SAG: variants seen among roughly 807,000 people sequenced by gnomAD.
The protein encoded by SAG is S-arrestin.
In SAG, 45 loss-of-function variants were observed where a neutral mutation model predicts 55.0. The ratio of observed to expected loss-of-function variants is 0.82; its 90% CI spans 0.64 to 1.05. The LOEUF (loss-of-function observed/expected upper bound fraction) is 1.05, where lower values mean the gene tolerates loss of function less well. Among genes scored for constraint, SAG ranks in the 50% least tolerant of loss-of-function variants. The probability of loss-of-function intolerance (pLI) is 0.00; values close to 1 mark genes in which losing one functional copy is unlikely to be tolerated. For synonymous variants in SAG, 189 were observed against 197.4 expected (o/e 0.96, Z 0.36); for missense variants, 455 against 512.1 (o/e 0.89, Z 1.08).
chr2:233,309,392 T>C, intron 2 of SAG, 128 bp downstream of exon 2: 4 of 797,094 alleles, frequency 5.0e-6, no homozygotes, highest in Non-Finnish European at 8.2e-6. Context: ...GGCTCATGCC[T>C]GTAATCCCAG....
intron 5 of SAG, among the ~76,000 whole-genome samples, 198 bp from the exon 6 acceptor site, chr2:233,322,748 C>CAT (rs1463232735): frequency 6.6e-6 from 1 of 152,176 alleles, no homozygotes; most frequent in Non-Finnish European, 1.5e-5. Flanking sequence ...ACAAAACATA[C>CAT]ATATTTATGT....
intron 4 of SAG, 22 bp from the exon 5 acceptor site, chr2:233,320,608 C>T (rs1380227827): frequency 6.4e-7 from 1 of 1,553,036 alleles, no homozygotes; most frequent in East Asian, 2.4e-5. Flanking sequence ...CAAGTCCGAC[C>T]CTGCCTTCAT....
Position 233,309,186 on chromosome 2 carries a change from T to A in SAG, c.-4T>A. Reference sequence around the variant, plus strand: ...GGTGGTAGAAGTTGCCAGGGACAGATAACATGGCAGCCAGCGGGAAGACCA... The same window carrying A: ...GGTGGTAGAAGTTGCCAGGGACAGAAAACATGGCAGCCAGCGGGAAGACCA... On this transcript the variant is annotated 5_prime_UTR_variant, in exon 2 of 16. Transcript: ENST00000409110. 6.2e-7 allele frequency: 1 copy of A among 1,613,220 alleles called. No individual in the cohort carries two copies. The highest frequency in any genetic ancestry group is 8.5e-7 in the Non-Finnish European group (1 of 1,179,390).
intron 2 of SAG, among the ~76,000 whole-genome samples, chr2:233,312,415 C>T (rs754315540): frequency 1.3e-5 from 2 of 152,174 alleles, no homozygotes; most frequent in Non-Finnish European, 2.9e-5. Flanking sequence ...GGGCTGCATT[C>T]CTGTCTCATT....
intron 3 of SAG, among the ~76,000 whole-genome samples, chr2:233,316,876 G>A (rs1413836932): frequency 2.0e-5 from 3 of 152,134 alleles, no homozygotes; most frequent in African/African-American, 7.2e-5. Flanking sequence ...TTTTAGGTTG[G>A]TGCAAAAGTA....
chr2:233,320,590 C>A, intron 4 of SAG, 40 bp from the exon 5 acceptor site: 1 of 1,504,006 alleles, frequency 6.6e-7, no homozygotes, highest in Admixed American at 2.4e-5. Flanking sequence ...GGGTGCCAGG[C>A]CGAGGGCCAA....
At chr2:233,327,052 TG>T in intron 6 of SAG, 68 bp from the exon 7 acceptor site, 1 of 1,146,662 alleles carries the variant, frequency 8.7e-7, no homozygotes, top group Non-Finnish European at 1.3e-6. Flanking sequence ...GTGTGAGGTG[TG>T]GCCCTCTGGC....
chr2:233,314,383 A>T, intron 2 of SAG, among the ~76,000 whole-genome samples: 1 of 152,210 alleles, frequency 6.6e-6, no homozygotes, highest in East Asian at 1.9e-4. Flanking sequence ...TCCCCACTAG[A>T]GGGCTGTGCC....
At position 233,346,945 on chromosome 2, in the gene SAG, G is replaced by A. The variant is rs1355279417; in HGVS notation, c.*33G>A. 8.0e-7 allele frequency: 1 copy of A among 1,254,842 alleles called. No homozygotes were observed. The highest frequency in any genetic ancestry group is 2.4e-5 in the East Asian group (1 of 42,318). The allele number at this position is 1,254,842 out of a possible 1,614,324, so 77.7% of individuals were successfully genotyped here. A position where few individuals can be genotyped will look rare whatever the true frequency, so the allele number is the denominator to read the frequency against. ...GGCTCAGGATGCCGGAAAATGACCT[G>A]TAGTTACCAGTGCAACGAGCAAAGC... On this transcript the variant is annotated 3_prime_UTR_variant, in exon 16 of 16. Coordinates refer to ENST00000409110, the MANE Select transcript of SAG (RefSeq NM_000541.5).
chr2:233,342,353 T>C, intron 14 of SAG, 27 bp downstream of exon 14: 1 of 1,553,072 alleles, frequency 6.4e-7, no homozygotes, highest in Non-Finnish European at 8.8e-7. Context: ...TTTAGCTTTC[T>C]TTAATTATTT....
chr2:233,313,724 T>C (rs1385067819), intron 2 of SAG, among the ~76,000 whole-genome samples: 11 of 147,884 alleles, frequency 7.4e-5, no homozygotes, highest in Non-Finnish European at 1.2e-4. Context: ...TCTTTTTTTT[T>C]TTTTTTTTTT....
chr2:233,328,483 C>A lies in SAG; in HGVS notation c.518C>A (p.Ser173Tyr), dbSNP rs747954451. ...AEEDKIPKKS[S>Y]VRLLIRKVQH... ...TCTGTGGCTGTTTCCCACAGGAGCT[C>A]CGTGCGATTACTGATCCGCAAAGTA... is the stretch of plus-strand genomic sequence containing the variant. The change falls in exon 8 of 16, where the codon TCC (serine) becomes TAC (tyrosine). Residue 173 changes from serine (S) to tyrosine (Y), a missense_variant. Physicochemically the swap from Ser to Tyr is moderately radical, Grantham distance 144 (BLOSUM62 -2). Transcript: ENST00000409110. 6.2e-7 allele frequency: 1 copy of A among 1,612,696 alleles called. No individual in the cohort carries two copies. The highest frequency in any genetic ancestry group is 1.7e-5 in the Admixed American group (1 of 59,942).
chr2:233,338,122 G>A (rs1700995653), intron 11 of SAG, among the ~76,000 whole-genome samples: 1 of 152,222 alleles, frequency 6.6e-6, no homozygotes, highest in Non-Finnish European at 1.5e-5. Flanking sequence ...CAGGAGAGAA[G>A]GAGGGGGCAT....
intron 2 of SAG, among the ~76,000 whole-genome samples, chr2:233,311,365 G>A (rs1336184571): frequency 1.3e-5 from 2 of 152,154 alleles, no homozygotes; most frequent in Non-Finnish European, 2.9e-5. Flanking sequence ...GGGGTCTCTT[G>A]TAAGGGTCAG....
At chr2:233,335,497 T>C (rs1241278804) in intron 11 of SAG, among the ~76,000 whole-genome samples, 1 of 152,224 alleles carries the variant, frequency 6.6e-6, no homozygotes, top group African/African-American at 2.4e-5. Context: ...GCTCCAGGAA[T>C]GTCAGCTACT....
intron 13 of SAG, 66 bp from the exon 14 acceptor site, chr2:233,342,205 T>C: frequency 8.3e-7 from 1 of 1,204,442 alleles, no homozygotes; most frequent in Non-Finnish European, 1.2e-6. Flanking sequence ...CAGCCATAGG[T>C]CTTTGCTGTG....
chr2:233,322,977 TG>T lies in SAG; in HGVS notation c.408del (p.Leu136PhefsTer42). 1 of 1,578,366 alleles carries T rather than the reference TG, an allele frequency of 6.3e-7. No individual in the cohort carries two copies. On this transcript the variant is annotated frameshift_variant, in exon 6 of 16. Coordinates refer to ENST00000409110, the MANE Select transcript of SAG (RefSeq NM_000541.5). LOFTEE classifies it high-confidence loss of function. ...GACTACTTGCCCTGTTCAGTGATGT[TG>T]CAGCCAGCTCCACAAGATTCAGGGA... The part of the protein sequence containing the change: ...FPDYLPCSVM[L>X]QPAPQDSGKS...
intron 2 of SAG, among the ~76,000 whole-genome samples, chr2:233,312,302 A>G (rs1700096214): frequency 6.6e-6 from 1 of 151,968 alleles, no homozygotes; most frequent in African/African-American, 2.4e-5. Flanking sequence ...AGTCCCCCTC[A>G]TCAGCTCCAC....
rs760031511 is a variant in SAG at position 233,320,680 on chromosome 2, G to C, written c.232G>C (p.Val78Leu). 1.9e-6 allele frequency: 3 copies of C among 1,607,232 alleles called. No homozygotes were observed. The highest frequency in any genetic ancestry group is 2.5e-6 in the Non-Finnish European group (3 of 1,176,856). The part of the protein sequence containing the change: ...AFRYGQEDID[V>L]IGLTFRRDLY... ...CCGCTATGGCCAAGAGGACATTGAC[G>C]TGATCGGCTTGACCTTCCGCAGGGA... The change falls in exon 5 of 16, where the codon GTG (valine) becomes CTG (leucine). Residue 78 changes from valine to leucine, a missense_variant. Physicochemically the swap from Val to Leu is conservative, Grantham distance 32. Coordinates refer to ENST00000409110, the MANE Select transcript of SAG (RefSeq NM_000541.5).
Sources: allele counts gnomAD v4.1 joint callset (sites outside exome capture counted in the v4.1 genomes callset), GRCh38; gene constraint gnomAD v4.1.1; transcripts MANE v1.5; gene names NCBI Gene and HGNC (gene_info 2026-07-23, HGNC 2026-07-21).